The following AUTS2 variants were observed in gnomAD, a reference collection of about 807,000 sequenced individuals.
AUTS2 encodes activator of transcription and developmental regulator AUTS2.
Under a neutral mutation model 112.4 loss-of-function variants are expected in AUTS2, and 17 were observed. The ratio of observed to expected loss-of-function variants is 0.15; its 90% CI spans 0.10 to 0.23. The LOEUF is 0.23. Among genes scored for constraint, AUTS2 ranks in the 10% least tolerant of loss-of-function variants. The pLI, the probability that AUTS2 is intolerant of heterozygous loss-of-function variation, is 1.00. For synonymous variants in AUTS2, 751 were observed against 702.7 expected, an observed-to-expected ratio of 1.07 and a Z score of -1.09; for missense variants, 1,510 against 1,701.6, an observed-to-expected ratio of 0.89 and a Z score of 1.98.
chr7:69,886,220 A>G (rs752420733), intron 1 of AUTS2, among the ~76,000 whole-genome samples: 26 of 152,228 alleles, frequency 1.7e-4, no homozygotes, highest in Non-Finnish European at 3.7e-4. Flanking sequence ...TGGAATACTA[A>G]TAGGCATATA....
intron 3 of AUTS2, chr7:70,120,430 GATTA>G (rs372728201): frequency 9.2e-5 from 14 of 152,180 alleles, no homozygotes; most frequent in African/African-American, 3.4e-4. Context: ...CCATGTGTCT[GATTA>G]ATTTTGTGAT....
At chr7:70,042,042 G>A (rs1308990048) in intron 2 of AUTS2, among the ~76,000 whole-genome samples, 1 of 152,084 alleles carries the variant, frequency 6.6e-6, no homozygotes, top group Non-Finnish European at 1.5e-5. Context: ...TAAGTTGTTG[G>A]TGGAGTTGCT....
chr7:70,323,485 T>C (rs1790348293), intron 4 of AUTS2, among the ~76,000 whole-genome samples: 1 of 152,140 alleles, frequency 6.6e-6, no homozygotes, highest in African/African-American at 2.4e-5. Flanking sequence ...CCAAGAGCTT[T>C]GGGTAGTTCC....
At chr7:70,414,241 G>A (rs531107095) in intron 4 of AUTS2, among the ~76,000 whole-genome samples, 2 of 152,212 alleles carry the variant, frequency 1.3e-5, no homozygotes, top group Non-Finnish European at 2.9e-5. Context: ...AAGTTCATTG[G>A]CCCATCATGT....
intron 4 of AUTS2, among the ~76,000 whole-genome samples, chr7:70,215,645 G>T (rs921181050): frequency 2.0e-5 from 3 of 152,122 alleles, no homozygotes; most frequent in African/African-American, 7.2e-5. Context: ...GCTCTTTGGG[G>T]GTGAAATGGA....
At chr7:69,634,683 C>T (rs1468548743) in intron 1 of AUTS2, among the ~76,000 whole-genome samples, 2 of 152,160 alleles carry the variant, frequency 1.3e-5, no homozygotes, top group Admixed American at 6.5e-5. Flanking sequence ...GTAATATGTG[C>T]TGGCATCTTT....
chr7:70,051,465 C>A (rs1030898586), intron 2 of AUTS2, among the ~76,000 whole-genome samples: 7 of 152,006 alleles, frequency 4.6e-5, no homozygotes, highest in African/African-American at 1.7e-4. Context: ...ACCTGTAATC[C>A]CTGCAGTTTG....
At chr7:69,691,598 G>C (rs1453444704) in intron 1 of AUTS2, among the ~76,000 whole-genome samples, 1 of 152,028 alleles carries the variant, frequency 6.6e-6, no homozygotes, top group African/African-American at 2.4e-5. Context: ...CGGGAGTGGG[G>C]AGAGGCCAGG....
chr7:70,551,711 A>G (rs1204411965), intron 5 of AUTS2, among the ~76,000 whole-genome samples: 14 of 152,200 alleles, frequency 9.2e-5, no homozygotes. Context: ...CTATGGACTG[A>G]AGTTAGTAGT....
In AUTS2 at chr7:69,908,008, G is replaced by A. The variant is rs150280977; in HGVS notation, c.522+8510G>A. Among the ~76,000 whole-genome samples the A allele has an allele frequency of 1.5e-4, 23 of 152,242 alleles. No individual in the cohort carries two copies. The East Asian group carries it at 4.4e-3, about 29-fold the overall frequency. On this transcript the variant is annotated intron_variant, in intron 2 of 18. Transcript: ENST00000342771. ...GCCCATAGCTTTGCACAGAAATCTT[G>A]TGCTGAACAAGGAATGACCTCCCTC...
intron 1 of AUTS2, among the ~76,000 whole-genome samples, chr7:69,702,601 G>C (rs192907021): frequency 1.1e-4 from 17 of 152,256 alleles, no homozygotes; most frequent in Admixed American, 1.1e-3. Flanking sequence ...TTGCACTTGT[G>C]GGGTGATTTC....
intron 15 of AUTS2, chr7:70,783,148 C>T (rs1053941854): frequency 6.6e-6 from 1 of 152,180 alleles, no homozygotes; most frequent in Non-Finnish European, 1.5e-5. Flanking sequence ...CTCTGGTCTT[C>T]ATTGAAGCAT....
At chr7:69,685,043 A>G (rs1200410205) in intron 1 of AUTS2, among the ~76,000 whole-genome samples, 1 of 152,194 alleles carries the variant, frequency 6.6e-6, no homozygotes, top group African/African-American at 2.4e-5. Flanking sequence ...TAAAAACTTT[A>G]GTGACTCCAC....
At chr7:69,655,475 C>G (rs1247768913) in intron 1 of AUTS2, among the ~76,000 whole-genome samples, 2 of 152,182 alleles carry the variant, frequency 1.3e-5, no homozygotes, top group African/African-American at 2.4e-5. Context: ...CATCTGGGAA[C>G]GGTTAGAATT....
chr7:70,094,282 C>T (rs1247250072), intron 2 of AUTS2, among the ~76,000 whole-genome samples: 1 of 152,166 alleles, frequency 6.6e-6, no homozygotes, highest in African/African-American at 2.4e-5. Flanking sequence ...TTGCTGTATG[C>T]TTTAGAAACC....
At chr7:70,290,512 C>T (rs750782170) in intron 4 of AUTS2, 29 of 1,537,394 alleles carry the variant, frequency 1.9e-5, no homozygotes, top group African/African-American at 1.1e-4. Flanking sequence ...ATTCTAGTTC[C>T]GTTTGGTGTG....
intron 11 of AUTS2, 39 bp downstream of exon 11, chr7:70,771,683 T>C: frequency 6.3e-7 from 1 of 1,583,276 alleles, no homozygotes; most frequent in Non-Finnish European, 8.7e-7. Context: ...GGCATGTGTC[T>C]AAGTGGCGTC....
rs535658693 is a variant in AUTS2, at chr7:69,760,723, A to C, written c.310-138563A>C. 1.6e-4 allele frequency among the ~76,000 whole-genome samples: 24 copies of C among 152,260 alleles called. No homozygotes were observed. The South Asian group carries it at 3.1e-3, about 20-fold the overall frequency. ...GTAATCCCAGCTACTCAGGAGGCTG[A>C]GGCAGGAGAATGCTTGAACTTGGGA... On this transcript the variant is annotated intron_variant, in intron 1 of 18. Transcript: ENST00000342771.
chr7:69,609,151 A>T (rs570847753), intron 1 of AUTS2, among the ~76,000 whole-genome samples: 1 of 152,318 alleles, frequency 6.6e-6, no homozygotes, highest in African/African-American at 2.4e-5. Flanking sequence ...TGGGAGTTAG[A>T]GGCTCTCACT....
Sources: allele counts gnomAD v4.1 joint callset (sites outside exome capture counted in the v4.1 genomes callset), GRCh38; gene constraint gnomAD v4.1.1; transcripts MANE v1.5; gene names NCBI Gene and HGNC (gene_info 2026-07-23, HGNC 2026-07-21).